The following NCAM1 variants were observed in gnomAD, a reference collection of about 807,000 sequenced individuals.
The protein encoded by NCAM1 is antigen recognized by monoclonal antibody 5.1H11.
Under a neutral mutation model 109.8 loss-of-function variants are expected in NCAM1, and 14 were observed. The observed-to-expected ratio is 0.13, with a 90% CI of 0.08 to 0.20. NCAM1 has a LOEUF of 0.20. NCAM1 is among the 10% of genes least tolerant of loss of function. The pLI is 1.00. For missense variants in NCAM1, 774 were observed against 1,109.9 expected (o/e 0.70, Z 4.30); for synonymous variants, 418 against 442.9 (o/e 0.94, Z 0.70).
intron 17 of NCAM1, among the ~76,000 whole-genome samples, chr11:113,268,339 G>C (rs781871063): frequency 6.6e-6 from 1 of 152,234 alleles, no homozygotes; most frequent in Non-Finnish European, 1.5e-5. Context: ...AGAGACAGGT[G>C]TCCAGAGCTG....
chr11:113,219,785 G>T (rs1465216771), intron 8 of NCAM1, among the ~76,000 whole-genome samples: 1 of 152,204 alleles, frequency 6.6e-6, no homozygotes, highest in Non-Finnish European at 1.5e-5. Flanking sequence ...GAAAGATCTT[G>T]ATTCCTGCAG....
At chr11:113,102,327 A>G (rs1939911781) in intron 1 of NCAM1, among the ~76,000 whole-genome samples, 1 of 152,220 alleles carries the variant, frequency 6.6e-6, no homozygotes, top group Admixed American at 6.5e-5. Flanking sequence ...CACACTATGC[A>G]CATGTACTAG....
chr11:113,079,272 T>C (rs1938677795), intron 1 of NCAM1, among the ~76,000 whole-genome samples: 1 of 152,244 alleles, frequency 6.6e-6, no homozygotes, highest in African/African-American at 2.4e-5. Flanking sequence ...ATTGAATAGA[T>C]GCTGAGATGG....
At chr11:113,017,122 A>G (rs1252644266) in intron 1 of NCAM1, among the ~76,000 whole-genome samples, 1 of 151,942 alleles carries the variant, frequency 6.6e-6, no homozygotes, top group East Asian at 1.9e-4. Flanking sequence ...TGAATCCTTG[A>G]CTCTTCAGCA....
Position 113,202,416 on chromosome 11 carries a change from G to A in NCAM1, c.90G>A (p.Glu30=), listed in dbSNP as rs1555112025. 6.2e-7 allele frequency: 1 copy of A among 1,613,310 alleles called. No individual in the cohort carries two copies. The highest frequency in any genetic ancestry group is 1.3e-5 in the African/African-American group (1 of 74,844). The change falls in exon 2 of 20, where the codon GAG becomes GAA. Residue 30 remains glutamate (E), a synonymous_variant. Coordinates refer to ENST00000316851, the MANE Select transcript of NCAM1 (RefSeq NM_181351.5). ...LQVDIVPSQG[E]ISVGESKFFL... ...TGGATATTGTTCCCAGCCAGGGGGA[G>A]ATCAGCGTTGGAGAGTCCAAATTCT... is the stretch of plus-strand genomic sequence containing the variant.
intron 2 of NCAM1, 54 bp from the exon 3 acceptor site, chr11:113,204,232 G>A (rs1326948582): frequency 1.1e-5 from 16 of 1,440,002 alleles, no homozygotes; most frequent in Non-Finnish European, 1.5e-5. Flanking sequence ...GTCTGGAGGG[G>A]ACTTATTAGT....
intron 1 of NCAM1, among the ~76,000 whole-genome samples, chr11:112,971,825 A>G (rs1555066856): frequency 6.6e-6 from 1 of 152,172 alleles, no homozygotes; most frequent in African/African-American, 2.4e-5. Flanking sequence ...TGTACATTCT[A>G]TTAGTAGACA....
At chr11:113,170,575 TGGGAGGGAA>T (rs1224953489) in intron 1 of NCAM1, among the ~76,000 whole-genome samples, 1 of 152,176 alleles carries the variant, frequency 6.6e-6, no homozygotes, top group Admixed American at 6.5e-5. Context: ...AATTGGTCTT[TGGGAGGGAA>T]GGGAGGGAAG....
chr11:113,269,860 C>T, intron 17 of NCAM1: 2 of 391,406 alleles, frequency 5.1e-6, no homozygotes, highest in Non-Finnish European at 4.8e-6. Context: ...GGAAACACAG[C>T]AGCGCCCTCC....
At chr11:113,254,955 G>C (rs562767663) in intron 15 of NCAM1, among the ~76,000 whole-genome samples, 1 of 152,320 alleles carries the variant, frequency 6.6e-6, no homozygotes, top group South Asian at 2.1e-4. Context: ...GTAAATGAGT[G>C]CCTTACTCAC....
intron 1 of NCAM1, among the ~76,000 whole-genome samples, chr11:113,038,686 T>C (rs1952972859): frequency 6.6e-6 from 1 of 152,194 alleles, no homozygotes; most frequent in South Asian, 2.1e-4. Context: ...TTGGATTTAG[T>C]TCATCTCCAA....
At chr11:113,229,002 C>T (rs1944926563) in intron 9 of NCAM1, among the ~76,000 whole-genome samples, 1 of 152,158 alleles carries the variant, frequency 6.6e-6, no homozygotes, top group African/African-American at 2.4e-5. Flanking sequence ...CTAGGCAATA[C>T]CATTCAGGAC....
intron 1 of NCAM1, among the ~76,000 whole-genome samples, chr11:113,190,092 TCCCAACTGACTCCA>T (rs1943633103): frequency 6.6e-6 from 1 of 152,204 alleles, no homozygotes; most frequent in African/African-American, 2.4e-5. Flanking sequence ...TCCCCAGCCC[TCCCAACTGACTCCA>T]CCTAAATCTT....
At chr11:113,128,220 G>A (rs1455635523) in intron 1 of NCAM1, among the ~76,000 whole-genome samples, 4 of 152,132 alleles carry the variant, frequency 2.6e-5, no homozygotes, top group South Asian at 2.1e-4. Flanking sequence ...CGGGCCTTGC[G>A]TGCATCACAG....
At chr11:113,270,755 T>C (rs1319850316) in intron 18 of NCAM1, among the ~76,000 whole-genome samples, 1 of 152,152 alleles carries the variant, frequency 6.6e-6, no homozygotes, top group African/African-American at 2.4e-5. Context: ...CTTTCGTACA[T>C]TGTTTATTCA....
intron 1 of NCAM1, among the ~76,000 whole-genome samples, chr11:113,087,752 T>G (rs1591313799): frequency 6.6e-6 from 1 of 152,276 alleles, no homozygotes; most frequent in African/African-American, 2.4e-5. Context: ...TAAAATAAAT[T>G]TGCATGAAAA....
rs148093687 is a variant in NCAM1 at position 113,078,611 on chromosome 11, C to A, written c.52+116947C>A. Among the ~76,000 whole-genome samples the A allele has an allele frequency of 3.8e-3, 584 of 152,178 alleles. 1 individual carries two copies. Among genetic ancestry groups the A allele is most frequent in the Non-Finnish European group, 4.4e-3 (301 of 68,004 alleles). On this transcript the variant is annotated intron_variant, in intron 1 of 19. Transcript: ENST00000316851. ...TGAAAGAAGATTTTTAAAGGTGTCT[C>A]ATATTTCCCTCTGTCTTATCTGCCT...
intron 17 of NCAM1, chr11:113,263,044 G>C: frequency 6.8e-7 from 1 of 1,463,892 alleles, no homozygotes; most frequent in Middle Eastern, 1.8e-4. Flanking sequence ...CAACCATTCT[G>C]TGTGGAAGAG....
intron 1 of NCAM1, among the ~76,000 whole-genome samples, chr11:113,000,851 C>CACACACAA (rs1555072319): frequency 1.1e-5 from 1 of 91,374 alleles, no homozygotes; most frequent in African/African-American, 4.0e-5. Flanking sequence ...TATATATACA[C>CACACACAA]AAAAAATATA....
Sources: allele counts gnomAD v4.1 joint callset (sites outside exome capture counted in the v4.1 genomes callset), GRCh38; gene constraint gnomAD v4.1.1; transcripts MANE v1.5; gene names NCBI Gene and HGNC (gene_info 2026-07-23, HGNC 2026-07-21).